The following SGCZ variants were observed in gnomAD, a reference collection of about 807,000 sequenced individuals.
The protein encoded by SGCZ is sarcoglycan zeta.
Under a neutral mutation model 41.3 loss-of-function variants are expected in SGCZ, and 40 were observed. That is an observed-to-expected ratio of 0.97 (90% CI 0.75 to 1.26). SGCZ has a LOEUF of 1.26. Among genes scored for constraint, SGCZ ranks in the 50% most tolerant of loss-of-function variants. SGCZ has a pLI of 0.00. For missense variants in SGCZ, 552 were observed against 369.8 expected, an observed-to-expected ratio of 1.49 and a Z score of -4.04; for synonymous variants, 206 against 137.5, an observed-to-expected ratio of 1.50 and a Z score of -3.49.
intron 1 of SGCZ, among the ~76,000 whole-genome samples, chr8:15,207,719 AAAG>A (rs1213628189): frequency 6.6e-6 from 1 of 151,276 alleles, no homozygotes; most frequent in East Asian, 1.9e-4. Context: ...TTGGAAGTGA[AAAG>A]AAGTAGCCAG....
At chr8:14,477,029 T>C (rs1049820152) in intron 2 of SGCZ, among the ~76,000 whole-genome samples, 1 of 152,224 alleles carries the variant, frequency 6.6e-6, no homozygotes, top group Non-Finnish European at 1.5e-5. Context: ...GACTGCCTAC[T>C]GGTTGCAAAT....
At chr8:14,259,852 G>A (rs926474433) in intron 3 of SGCZ, among the ~76,000 whole-genome samples, 5 of 151,654 alleles carry the variant, frequency 3.3e-5, no homozygotes, top group African/African-American at 1.2e-4. Flanking sequence ...GTGAAGAAAG[G>A]CATTGGTAGC....
intron 1 of SGCZ, among the ~76,000 whole-genome samples, chr8:14,882,206 G>C (rs1804617746): frequency 6.6e-6 from 1 of 152,102 alleles, no homozygotes; most frequent in Non-Finnish European, 1.5e-5. Context: ...ATCCCTAATG[G>C]GACTGACATC....
At chr8:14,480,305 C>T (rs1585571416) in intron 2 of SGCZ, among the ~76,000 whole-genome samples, 1 of 152,178 alleles carries the variant, frequency 6.6e-6, no homozygotes, top group Non-Finnish European at 1.5e-5. Context: ...TTGACATCTA[C>T]AATCACTGCT....
chr8:14,451,066 C>G (rs954261413), intron 2 of SGCZ, among the ~76,000 whole-genome samples: 10 of 152,114 alleles, frequency 6.6e-5, no homozygotes, highest in African/African-American at 9.7e-5. Flanking sequence ...TCCCCAAGGT[C>G]AAAACCAGTT....
intron 2 of SGCZ, among the ~76,000 whole-genome samples, chr8:14,481,125 C>A (rs932580819): frequency 7.9e-5 from 12 of 151,904 alleles, no homozygotes; most frequent in Admixed American, 4.6e-4. Context: ...ACAAATAACC[C>A]AATTAAATAA....
At chr8:14,837,034 CCCT>C (rs1202606366) in intron 1 of SGCZ, among the ~76,000 whole-genome samples, 1 of 152,084 alleles carries the variant, frequency 6.6e-6, no homozygotes, top group Non-Finnish European at 1.5e-5. Context: ...AATAATTATG[CCCT>C]CCTCAACTTC....
chr8:14,726,123 G>A (rs1174189818), intron 1 of SGCZ, among the ~76,000 whole-genome samples: 1 of 151,350 alleles, frequency 6.6e-6, no homozygotes, highest in South Asian at 2.1e-4. Context: ...GCCAGGCGTG[G>A]TGGCACGCAC....
chr8:14,555,171 G>C (rs961677143), intron 1 of SGCZ, among the ~76,000 whole-genome samples: 2 of 151,902 alleles, frequency 1.3e-5, no homozygotes, highest in African/African-American at 4.8e-5. Flanking sequence ...TTTCCAGTCA[G>C]ATTTGTCCCA....
intron 1 of SGCZ, among the ~76,000 whole-genome samples, chr8:14,806,433 T>A (rs541120756): frequency 2.1e-4 from 32 of 151,318 alleles, no homozygotes; most frequent in African/African-American, 6.6e-4. Flanking sequence ...CAAACTACCA[T>A]CAGAGAATAC....
intron 1 of SGCZ, among the ~76,000 whole-genome samples, chr8:14,721,483 G>A (rs1406772731): frequency 1.3e-5 from 2 of 152,064 alleles, no homozygotes; most frequent in Admixed American, 1.3e-4. Flanking sequence ...GGCCAGTATT[G>A]AAAGCATCAG....
intron 2 of SGCZ, among the ~76,000 whole-genome samples, chr8:14,549,088 C>A (rs192521891): frequency 6.6e-6 from 1 of 151,980 alleles, no homozygotes; most frequent in Non-Finnish European, 1.5e-5. Flanking sequence ...CTGTTAATTA[C>A]CAGCATATCT....
intron 3 of SGCZ, among the ~76,000 whole-genome samples, chr8:14,319,174 A>G (rs1801831684): frequency 6.6e-6 from 1 of 151,992 alleles, no homozygotes; most frequent in East Asian, 1.9e-4. Flanking sequence ...AAAAGCTATT[A>G]AGTGGCAAAA....
At chr8:14,876,592 A>C (rs1804364820) in intron 1 of SGCZ, among the ~76,000 whole-genome samples, 1 of 152,206 alleles carries the variant, frequency 6.6e-6, no homozygotes, top group African/African-American at 2.4e-5. Flanking sequence ...TGTATGAAAT[A>C]TCTCGCCGTA....
At chr8:14,841,451 T>C (rs184778035) in intron 1 of SGCZ, among the ~76,000 whole-genome samples, 148 of 152,292 alleles carry the variant, frequency 9.7e-4, no homozygotes, top group African/African-American at 3.5e-3. Flanking sequence ...ATTCTATCCT[T>C]TCTGAGAATC....
intron 2 of SGCZ, among the ~76,000 whole-genome samples, chr8:14,500,024 T>C (rs1802103895): frequency 6.6e-6 from 1 of 152,040 alleles, no homozygotes; most frequent in Non-Finnish European, 1.5e-5. Flanking sequence ...TTCCTTAACA[T>C]TACAATTGCC....
chr8:14,589,444 T>C (rs1170942695), intron 1 of SGCZ, among the ~76,000 whole-genome samples: 3 of 152,030 alleles, frequency 2.0e-5, no homozygotes, highest in African/African-American at 7.2e-5. Flanking sequence ...TCACCAGAAA[T>C]GTCTGAAGAA....
intron 1 of SGCZ, among the ~76,000 whole-genome samples, chr8:14,968,380 G>A (rs559351302): frequency 1.1e-4 from 17 of 152,186 alleles, no homozygotes; most frequent in Middle Eastern, 3.4e-3. Flanking sequence ...AGCAGACATA[G>A]AAGGAAAAGA....
At chr8:14,968,435 C>T (rs368490588) in intron 1 of SGCZ, among the ~76,000 whole-genome samples, 9 of 151,996 alleles carry the variant, frequency 5.9e-5, no homozygotes, top group South Asian at 4.1e-4. Context: ...TATCCCCAAA[C>T]GGATCAACTT....
Sources: gnomAD v4.1 joint callset for allele counts (sites outside exome capture counted in the v4.1 genomes callset) on GRCh38, gnomAD v4.1.1 for gene constraint, MANE v1.5 for transcripts, NCBI Gene and HGNC (gene_info 2026-07-23, HGNC 2026-07-21) for gene names.